GAS2: variants seen among roughly 807,000 people sequenced by gnomAD.
GAS2 encodes the protein growth arrest-specific protein 2.
A neutral mutation model predicts 37.5 loss-of-function variants in GAS2; 20 were observed. The observed-to-expected ratio is 0.53, with a 90% CI of 0.37 to 0.77. The LOEUF (loss-of-function observed/expected upper bound fraction) is 0.77. Ranked by LOEUF, GAS2 falls within the 30% of genes least tolerant of loss-of-function variation. GAS2 has a pLI of 0.00. For synonymous variants in GAS2, 144 were observed against 132.2 expected (o/e 1.09, Z -0.61); for missense variants, 336 against 373.4 (o/e 0.90, Z 0.82).
At chr11:22,808,042 A>G (rs981873765) in intron 7 of GAS2, among the ~76,000 whole-genome samples, 1 of 152,186 alleles carries the variant, frequency 6.6e-6, no homozygotes, top group Non-Finnish European at 1.5e-5. Context: ...AGAAATCATA[A>G]ACATCAGTTC....
chr11:22,798,749 T>A lies in GAS2; in HGVS notation c.724-13049T>A, dbSNP rs189634992. Among the ~76,000 whole-genome samples the A allele has an allele frequency of 4.6e-5, 7 of 152,112 alleles. 1 individual carries two copies. In the East Asian group the frequency reaches 1.4e-3, roughly 29 times the overall value. On this transcript the variant is annotated intron_variant, in intron 7 of 7. Coordinates refer to ENST00000454584, the MANE Select transcript of GAS2 (RefSeq NM_001143830.3). ...CATTTGTTATTAGTAGTGCCTCAGT[T>A]TGCCCTGCTAACAGGTGATCTTATC...
chr11:22,798,486 A>G (rs193286096), intron 7 of GAS2, among the ~76,000 whole-genome samples: 93 of 152,208 alleles, frequency 6.1e-4, no homozygotes, highest in African/African-American at 2.1e-3. Flanking sequence ...TGCTCTGTTT[A>G]CTGTTATTTA....
At chr11:22,758,685 G>A (rs1000376643) in intron 7 of GAS2, among the ~76,000 whole-genome samples, 2 of 151,946 alleles carry the variant, frequency 1.3e-5, no homozygotes, top group African/African-American at 2.4e-5. Context: ...AGGCCGAGGC[G>A]GGCAGATCAC....
chr11:22,710,263 T>C, intron 3 of GAS2, among the ~76,000 whole-genome samples: 1 of 152,170 alleles, frequency 6.6e-6, no homozygotes, highest in East Asian at 1.9e-4. Flanking sequence ...AATAAATTCC[T>C]TTCTTGGAAT....
intron 3 of GAS2, among the ~76,000 whole-genome samples, chr11:22,707,023 C>G (rs1301770782): frequency 1.3e-5 from 2 of 152,068 alleles, no homozygotes; most frequent in African/African-American, 2.4e-5. Flanking sequence ...TAATGATTGC[C>G]ATTCTAACTG....
At position 22,811,553 on chromosome 11, in the gene GAS2, G is replaced by A. The variant is rs187803090; in HGVS notation, c.724-245G>A. On this transcript the variant is annotated intron_variant, in intron 7 of 7. Coordinates refer to ENST00000454584, the MANE Select transcript of GAS2 (RefSeq NM_001143830.3). ...GACACATTAAACCAAAGAATTATAC[G>A]TAGGTGCTGGTTCCCATAGCACAGC... Among the ~76,000 whole-genome samples, 323 of 152,214 alleles carry A rather than the reference G, an allele frequency of 2.1e-3. 1 individual carries two copies. Among genetic ancestry groups the A allele is most frequent in the African/African-American group, 7.3e-3 (302 of 41,532 alleles).
In GAS2 at chr11:22,695,554, A is replaced by G. The variant is rs564903087; in HGVS notation, c.267+9765A>G. 2.0e-5 allele frequency among the ~76,000 whole-genome samples: 3 copies of G among 152,186 alleles called. No individual in the cohort carries two copies. The East Asian group carries it at 5.8e-4, about 30-fold the overall frequency. ...TCTCTGCCTCTCTTCCCAAGATAAG[A>G]ATGTTAATCCCTTCTCATCTGAGAC... On this transcript the variant is annotated intron_variant, in intron 3 of 7. Transcript: ENST00000454584.
At chr11:22,729,554 A>T (rs980400872) in intron 4 of GAS2, among the ~76,000 whole-genome samples, 7 of 151,828 alleles carry the variant, frequency 4.6e-5, no homozygotes, top group Non-Finnish European at 5.9e-5. Flanking sequence ...TCCTCTGTAA[A>T]ATGTCAGTTC....
At chr11:22,763,137 C>T (rs4362143) in intron 7 of GAS2, among the ~76,000 whole-genome samples, 136,734 of 152,224 alleles carry the variant, frequency 0.9, 63,140 homozygotes, top group East Asian at 1. Flanking sequence ...ATGGCGTTAC[C>T]TCCTTTGTAC....
At position 22,779,552 on chromosome 11, in the gene GAS2, G is replaced by A. The variant is rs141298256; in HGVS notation, c.723+23599G>A. On this transcript the variant is annotated intron_variant, in intron 7 of 7. Coordinates refer to ENST00000454584, the MANE Select transcript of GAS2 (RefSeq NM_001143830.3). ...ATCTCTACTAAAAATATAAAAATTA[G>A]TCAGGTGTGGTGGCATGCACCTGTA... Among the ~76,000 whole-genome samples, 607 of 152,172 alleles carry A rather than the reference G, an allele frequency of 4.0e-3. 4 individuals are homozygous for A. Among genetic ancestry groups the A allele is most frequent in the African/African-American group, 0.013 (546 of 41,546 alleles).
At chr11:22,676,556 A>G (rs1299023291) in intron 2 of GAS2, among the ~76,000 whole-genome samples, 1 of 152,144 alleles carries the variant, frequency 6.6e-6, no homozygotes, top group Non-Finnish European at 1.5e-5. Context: ...TCATCTGTAC[A>G]GTGGTAATAA....
intron 3 of GAS2, among the ~76,000 whole-genome samples, chr11:22,699,115 T>C (rs993811614): frequency 2.0e-5 from 3 of 152,174 alleles, no homozygotes; most frequent in Non-Finnish European, 4.4e-5. Context: ...TTGTGTTCCA[T>C]TATCGGTCTC....
intron 3 of GAS2, among the ~76,000 whole-genome samples, chr11:22,724,449 T>G (rs894255407): frequency 2.0e-5 from 3 of 152,026 alleles, no homozygotes; most frequent in African/African-American, 7.2e-5. Context: ...GTAGAATATA[T>G]TCTTAGAAGT....
upstream of GAS2, among the ~76,000 whole-genome samples, chr11:22,663,929 A>G (rs1848945686): frequency 6.6e-6 from 1 of 152,214 alleles, no homozygotes; most frequent in Non-Finnish European, 1.5e-5. Flanking sequence ...AAAAATAAAC[A>G]TATTTGACCT....
intron 3 of GAS2, among the ~76,000 whole-genome samples, chr11:22,721,891 A>G (rs922571963): frequency 6.6e-5 from 10 of 152,054 alleles, no homozygotes; most frequent in Middle Eastern, 3.4e-3. Context: ...GAAGGAAATC[A>G]TAGATATTCA....
At chr11:22,721,269 T>C (rs337444) in intron 3 of GAS2, among the ~76,000 whole-genome samples, 135,906 of 152,046 alleles carry the variant, frequency 0.89, 62,531 homozygotes, top group East Asian at 1. Flanking sequence ...TAAAGCACCA[T>C]ATTTGGCACT....
At chr11:22,744,078 G>C (rs1235217835) in intron 5 of GAS2, among the ~76,000 whole-genome samples, 1 of 152,022 alleles carries the variant, frequency 6.6e-6, no homozygotes, top group Non-Finnish European at 1.5e-5. Flanking sequence ...AACCTCAAAA[G>C]ATTGGATCAG....
At chr11:22,653,671 C>G (rs1477340049) in intron 1 of GAS2, among the ~76,000 whole-genome samples, 1 of 152,150 alleles carries the variant, frequency 6.6e-6, no homozygotes, top group Non-Finnish European at 1.5e-5. Flanking sequence ...ATTAGCAAGA[C>G]CTAGTCTAAG....
intron 7 of GAS2, among the ~76,000 whole-genome samples, chr11:22,766,784 T>A (rs1355223493): frequency 6.6e-6 from 1 of 152,174 alleles, no homozygotes; most frequent in Non-Finnish European, 1.5e-5. Flanking sequence ...TAAGGAACAT[T>A]TACAATTTAC....
Sources: gnomAD v4.1 joint callset for allele counts (sites outside exome capture counted in the v4.1 genomes callset) on GRCh38, gnomAD v4.1.1 for gene constraint, MANE v1.5 for transcripts, NCBI Gene and HGNC (gene_info 2026-07-23, HGNC 2026-07-21) for gene names.